The following SIRPB2 variants were observed in gnomAD, a reference collection of about 807,000 sequenced individuals.
The protein encoded by SIRPB2 is signal-regulatory protein beta-2.
Under a neutral mutation model 27.1 loss-of-function variants are expected in SIRPB2, and 18 were observed. The ratio of observed to expected loss-of-function variants is 0.66; its 90% confidence interval spans 0.46 to 0.98. The LOEUF is 0.98. Among genes scored for constraint, SIRPB2 ranks in the 50% least tolerant of loss-of-function variants. The probability of loss-of-function intolerance (pLI) is 0.00; values close to 1 mark genes in which losing one functional copy is unlikely to be tolerated. For synonymous variants in SIRPB2, 150 were observed against 164.6 expected (o/e 0.91, Z 0.68); for missense variants, 420 against 417.4 (o/e 1.01, Z -0.06).
rs766223446 is a variant in SIRPB2 at position 1,478,508 on chromosome 20, C to T, written c.551G>A (p.Gly184Glu). The change falls in exon 3 of 5, where the codon GGA becomes GAA. Residue 184 changes from glycine to glutamate, a missense_variant. Coordinates refer to ENST00000359801, the MANE Select transcript of SIRPB2 (RefSeq NM_001122962.2). The part of the protein sequence containing the change: ...DTVFLNCTVL[G>E]DGPPGPIRWF... ...CCTGATGGGTCCAGGGGGACCGTCTCCAAGCACTGTGCAGTTCAGAAAGAC... is the reference window on the plus strand; with the variant it reads ...CCTGATGGGTCCAGGGGGACCGTCTTCAAGCACTGTGCAGTTCAGAAAGAC... 1 of 1,614,104 alleles carries T rather than the reference C, an allele frequency of 6.2e-7. No homozygotes were observed. Among genetic ancestry groups the T allele is most frequent in the East Asian group, 2.2e-5 (1 of 44,886 alleles).
intron 1 of SIRPB2, among the ~76,000 whole-genome samples, chr20:1,485,372 T>C (rs1011778846): frequency 6.6e-6 from 1 of 152,128 alleles, no homozygotes; most frequent in African/African-American, 2.4e-5. Flanking sequence ...TGTACAAATG[T>C]TATGTATCGA....
At position 1,476,437 on chromosome 20, in the gene SIRPB2, T is replaced by A. The variant is rs1025865678; in HGVS notation, c.860-101A>T. 56 of 1,205,698 alleles carry A rather than the reference T, an allele frequency of 4.6e-5. 1 individual carries two copies. Among genetic ancestry groups the A allele is most frequent in the Non-Finnish European group, 6.2e-5 (54 of 874,008 alleles). 74.7% of individuals were successfully genotyped at this position (1,205,698 alleles called of 1,614,324 possible). On this transcript the variant is annotated intron_variant, in intron 4 of 4. Transcript: ENST00000359801. ...GGCAAGGTCACATCCTGCTGCTGTA[T>A]AACCTCTGGAGCTGTATCCTTTCTA...
Position 1,480,076 on chromosome 20 carries a change from G to C in SIRPB2, c.86-11C>G. 6.3e-7 allele frequency: 1 copy of C among 1,594,766 alleles called. No homozygotes were observed. The highest frequency in any genetic ancestry group is 8.5e-7 in the Non-Finnish European group (1 of 1,171,522). On this transcript the variant is annotated splice_polypyrimidine_tract_variant and intron_variant, in intron 1 of 4. Coordinates refer to ENST00000359801, the MANE Select transcript of SIRPB2 (RefSeq NM_001122962.2). ...TCTGCCCAGAGGCATCTACAAAAGA[G>C]GAAGAAAGACCTTGCACTGGGCAGG...
At position 1,475,999 on chromosome 20, in the gene SIRPB2, C is replaced by T. The variant is rs749437793; in HGVS notation, c.*168G>A. On this transcript the variant is annotated 3_prime_UTR_variant, in exon 5 of 5. Coordinates refer to ENST00000359801, the MANE Select transcript of SIRPB2 (RefSeq NM_001122962.2). ...AAGGGAGACATTTTAGAGGGAAGCC[C>T]GGTGCAAAGAAGGGAATTTCACTAG... 18 of 688,708 alleles carry T rather than the reference C, an allele frequency of 2.6e-5. No individual in the cohort carries two copies. The highest frequency in any genetic ancestry group is 9.1e-5 in the Admixed American group (3 of 32,830). The allele number at this position is 688,708 out of a possible 1,614,324, so 42.7% of individuals were successfully genotyped here.
intron 4 of SIRPB2, chr20:1,476,831 A>G: frequency 9.4e-7 from 1 of 1,068,386 alleles, no homozygotes; most frequent in Non-Finnish European, 1.1e-6. Flanking sequence ...TTAACATGAG[A>G]TGTGCTAGGC....
At chr20:1,471,222 A>G (rs1319166079), downstream of SIRPB2, 1 of 152,248 alleles carries the variant, frequency 6.6e-6, no homozygotes, top group East Asian at 1.9e-4. Context: ...GCTTAATGGC[A>G]TTGGGGCATG....
Position 1,475,818 on chromosome 20 carries a change from A to C in SIRPB2, c.*349T>G. On this transcript the variant is annotated 3_prime_UTR_variant, in exon 5 of 5. Coordinates refer to ENST00000359801, the MANE Select transcript of SIRPB2 (RefSeq NM_001122962.2). The stretch of plus-strand genomic sequence containing the variant: ...TTCTTACAGACATCTCCTGGGAAGA[A>C]GACTCTGAGTTGGATGTTGGAGGCC... 2.3e-5 allele frequency: 5 copies of C among 217,980 alleles called. No homozygotes were observed. In the South Asian group the frequency reaches 2.5e-4, roughly 11 times the overall value. The allele number at this position is 217,980 out of a possible 1,614,324, so 13.5% of individuals were successfully genotyped here.
At chr20:1,484,963 T>C (rs1184179835) in intron 1 of SIRPB2, among the ~76,000 whole-genome samples, 1 of 152,140 alleles carries the variant, frequency 6.6e-6, no homozygotes, top group South Asian at 2.1e-4. Flanking sequence ...TGGAGTTCAT[T>C]ATGTTAAGTG....
rs751565712 is a variant in SIRPB2 at position 1,474,775 on chromosome 20, T to C, written c.*1392A>G. 3 of 152,262 alleles carry C rather than the reference T, an allele frequency of 2.0e-5. No individual in the cohort carries two copies. Among genetic ancestry groups the C allele is most frequent in the African/African-American group, 7.2e-5 (3 of 41,442 alleles). The allele number at this position is 152,262 out of a possible 1,614,324, so 9.4% of individuals were successfully genotyped here. ...TTTTAGTAGAGACGAGGTTTCACCATGTTAGCCAGGCTGGTCTCAAACTCC... is the reference window on the plus strand; with the variant it reads ...TTTTAGTAGAGACGAGGTTTCACCACGTTAGCCAGGCTGGTCTCAAACTCC... On this transcript the variant is annotated 3_prime_UTR_variant, in exon 5 of 5. Transcript: ENST00000359801.
Position 1,478,613 on chromosome 20 carries a change from G to A in SIRPB2, c.452-6C>T. On this transcript the variant is annotated splice_polypyrimidine_tract_variant and splice_region_variant and intron_variant, in intron 2 of 4. Coordinates refer to ENST00000359801, the MANE Select transcript of SIRPB2 (RefSeq NM_001122962.2). The stretch of plus-strand genomic sequence containing the variant: ...TGGTTCAGGGTCCCCAGCTCCTGAA[G>A]CCAAAGAGGAGGTCCTTGTTGAATT... 2 of 1,551,158 alleles carry A rather than the reference G, an allele frequency of 1.3e-6. No homozygotes were observed. Among genetic ancestry groups the A allele is most frequent in the Non-Finnish European group, 1.7e-6 (2 of 1,145,704 alleles).
intron 1 of SIRPB2, among the ~76,000 whole-genome samples, chr20:1,483,517 T>C (rs759956243): frequency 3.9e-5 from 6 of 152,274 alleles, no homozygotes; most frequent in Non-Finnish European, 8.8e-5. Flanking sequence ...TTTTTTCATA[T>C]ACCTCTAGGC....
At chr20:1,476,523 C>T (rs2090608044) in intron 4 of SIRPB2, 187 bp from the exon 5 acceptor site, 1 of 380,688 alleles carries the variant, frequency 2.6e-6, no homozygotes, top group Non-Finnish European at 3.6e-6. Context: ...GAACGGTTGC[C>T]CAATATTCTG....
chr20:1,486,770 A>T (rs762908301), intron 1 of SIRPB2, among the ~76,000 whole-genome samples: 1 of 152,198 alleles, frequency 6.6e-6, no homozygotes, highest in Non-Finnish European at 1.5e-5. Context: ...GCAGTTTTCA[A>T]ACTTGAACAT....
chr20:1,477,532 C>A, intron 3 of SIRPB2, 129 bp from the exon 4 acceptor site: 2 of 1,468,720 alleles, frequency 1.4e-6, no homozygotes, highest in South Asian at 2.8e-5. Context: ...GAAGTCAAAC[C>A]CTGCAGCTAT....
At chr20:1,480,167 C>G in intron 1 of SIRPB2, 102 bp from the exon 2 acceptor site, 1 of 1,422,696 alleles carries the variant, frequency 7.0e-7, no homozygotes, top group Non-Finnish European at 9.3e-7. Flanking sequence ...AGAACAATGG[C>G]CCAGGATAAG....
At chr20:1,477,923 C>T (rs1437109902) in intron 3 of SIRPB2, 13 of 470,140 alleles carry the variant, frequency 2.8e-5, no homozygotes, top group Admixed American at 1.6e-4. Flanking sequence ...ATCCACCTGC[C>T]TTGGCCTCCC....
intron 1 of SIRPB2, among the ~76,000 whole-genome samples, chr20:1,480,632 T>C (rs1600013303): frequency 6.6e-6 from 1 of 152,162 alleles, no homozygotes; most frequent in Non-Finnish European, 1.5e-5. Flanking sequence ...CATGTGAAGA[T>C]ACAGGGAGAA....
At chr20:1,481,255 A>G (rs999199241) in intron 1 of SIRPB2, among the ~76,000 whole-genome samples, 4 of 152,098 alleles carry the variant, frequency 2.6e-5, no homozygotes, top group Admixed American at 2.0e-4. Context: ...TGCTCAAGTG[A>G]TTCCTTCCCC....
intron 1 of SIRPB2, among the ~76,000 whole-genome samples, chr20:1,484,391 A>G (rs1285253179): frequency 1.3e-5 from 2 of 152,224 alleles, no homozygotes; most frequent in Non-Finnish European, 2.9e-5. Context: ...AAAAGCAACT[A>G]TCAACACAGT....
Sources: gnomAD v4.1 joint callset for allele counts (sites outside exome capture counted in the v4.1 genomes callset) on GRCh38, gnomAD v4.1.1 for gene constraint, MANE v1.5 for transcripts, NCBI Gene and HGNC (gene_info 2026-07-23, HGNC 2026-07-21) for gene names.